Variants in TAFA1 observed in about 807,000 individuals in gnomAD.
The protein encoded by TAFA1 is TAFA chemokine like family member 1, also known as chemokine-like protein TAFA-1.
In TAFA1, 4 loss-of-function variants were observed where a neutral mutation model predicts 18.5. The ratio of observed to expected loss-of-function variants is 0.22; its 90% CI spans 0.11 to 0.49. The LOEUF (loss-of-function observed/expected upper bound fraction) is 0.49, where lower values mean the gene tolerates loss of function less well. TAFA1 is among the 20% of genes least tolerant of loss of function. The probability of loss-of-function intolerance (pLI) is 0.98; values close to 1 mark genes in which losing one functional copy is unlikely to be tolerated. For synonymous variants in TAFA1, 56 were observed against 55.2 expected, an observed-to-expected ratio of 1.01 and a Z score of -0.06; for missense variants, 147 against 169.0, an observed-to-expected ratio of 0.87 and a Z score of 0.72.
At chr3:68,449,990 G>A (rs541954519) in intron 3 of TAFA1, among the ~76,000 whole-genome samples, 5 of 152,274 alleles carry the variant, frequency 3.3e-5, no homozygotes, top group South Asian at 4.2e-4. Flanking sequence ...CAGGCACAGC[G>A]CAGGCTGCCA....
intron 3 of TAFA1, among the ~76,000 whole-genome samples, chr3:68,524,796 G>C (rs919347136): frequency 2.0e-5 from 3 of 151,620 alleles, no homozygotes; most frequent in Non-Finnish European, 4.4e-5. Context: ...TCAGCCTCCC[G>C]AGTAGCTGGG....
chr3:68,086,436 G>T (rs1483025658), intron 2 of TAFA1, among the ~76,000 whole-genome samples: 1 of 152,108 alleles, frequency 6.6e-6, no homozygotes. Context: ...TGTGTATTTT[G>T]TATGTCTCAA....
At chr3:68,444,771 A>AATATATATATATATATATATAT (rs55684696) in intron 3 of TAFA1, among the ~76,000 whole-genome samples, 5 of 127,276 alleles carry the variant, frequency 3.9e-5, no homozygotes, top group Non-Finnish European at 6.6e-5. Flanking sequence ...GTTTCTACAA[A>AATATATATATATATATATATAT]ATATATATAT....
intron 3 of TAFA1, among the ~76,000 whole-genome samples, chr3:68,495,605 C>G (rs146136272): frequency 6.6e-6 from 1 of 152,016 alleles, no homozygotes; most frequent in Non-Finnish European, 1.5e-5. Flanking sequence ...ATACAAGATG[C>G]GTGGATCAAG....
At chr3:68,301,557 A>G (rs1481822346) in intron 2 of TAFA1, among the ~76,000 whole-genome samples, 1 of 152,204 alleles carries the variant, frequency 6.6e-6, no homozygotes, top group African/African-American at 2.4e-5. Flanking sequence ...CCAGATGGTG[A>G]GGAGTAAAGT....
chr3:68,015,667 A>G (rs955078750), intron 2 of TAFA1, among the ~76,000 whole-genome samples: 5 of 152,192 alleles, frequency 3.3e-5, no homozygotes, highest in African/African-American at 1.2e-4. Context: ...CAGCATAGAG[A>G]TGCATATGTA....
At chr3:68,235,153 CAT>C (rs1193783947) in intron 2 of TAFA1, among the ~76,000 whole-genome samples, 52 of 152,166 alleles carry the variant, frequency 3.4e-4, no homozygotes, top group Non-Finnish European at 2.1e-4. Flanking sequence ...TATTTCCTCA[CAT>C]ATGGCAACTT....
intron 2 of TAFA1, among the ~76,000 whole-genome samples, chr3:68,180,649 C>T (rs2066186755): frequency 6.6e-6 from 1 of 152,192 alleles, no homozygotes; most frequent in South Asian, 2.1e-4. Context: ...CCAGTCCCTA[C>T]AACCCCTTAT....
chr3:68,364,794 T>C (rs1456589309), intron 2 of TAFA1, among the ~76,000 whole-genome samples: 1 of 152,248 alleles, frequency 6.6e-6, no homozygotes, highest in Non-Finnish European at 1.5e-5. Context: ...TTAACTCTTC[T>C]GTTAACTTCT....
rs139197567 is a variant in TAFA1, at chr3:68,209,889, A to G, written c.118+203145A>G. Among the ~76,000 whole-genome samples the G allele has an allele frequency of 3.2e-3, 492 of 152,112 alleles. 4 individuals carry two copies. Among genetic ancestry groups the G allele is most frequent in the African/African-American group, 0.011 (476 of 41,526 alleles). ...AATCAAAAATACATAGTTCAAATCT[A>G]TAGATGTGGAGCCCGTAGTAGCTGA... On this transcript the variant is annotated intron_variant, in intron 2 of 4. Transcript: ENST00000478136.
At chr3:68,231,874 C>G (rs955362338) in intron 2 of TAFA1, among the ~76,000 whole-genome samples, 2 of 152,094 alleles carry the variant, frequency 1.3e-5, no homozygotes, top group Non-Finnish European at 2.9e-5. Context: ...CAAGTAACTA[C>G]TAATATATTT....
chr3:68,448,458 C>T (rs972036193), intron 3 of TAFA1, among the ~76,000 whole-genome samples: 35 of 152,126 alleles, frequency 2.3e-4, no homozygotes, highest in African/African-American at 7.5e-4. Context: ...TCTATTAATA[C>T]GACGACTGTA....
chr3:68,372,267 C>T (rs2069722410), intron 2 of TAFA1, among the ~76,000 whole-genome samples: 1 of 152,142 alleles, frequency 6.6e-6, no homozygotes, highest in Non-Finnish European at 1.5e-5. Flanking sequence ...GCCAAACCCC[C>T]AGGAATCTCT....
At chr3:68,027,334 A>T (rs931697116) in intron 2 of TAFA1, among the ~76,000 whole-genome samples, 9 of 152,080 alleles carry the variant, frequency 5.9e-5, no homozygotes, top group African/African-American at 1.9e-4. Flanking sequence ...GCTATGGAAG[A>T]TGTGGATTGT....
chr3:68,293,589 A>G (rs2068153605), intron 2 of TAFA1, among the ~76,000 whole-genome samples: 1 of 152,208 alleles, frequency 6.6e-6, no homozygotes, highest in African/African-American at 2.4e-5. Flanking sequence ...TAGCATCTGC[A>G]TCCTTGGGTC....
chr3:68,530,871 T>G (rs996569982), intron 3 of TAFA1, among the ~76,000 whole-genome samples: 2 of 152,162 alleles, frequency 1.3e-5, no homozygotes, highest in African/African-American at 4.8e-5. Context: ...TATTTGTGTT[T>G]GATATGAAAT....
chr3:68,414,599 A>G (rs946870305), intron 2 of TAFA1, among the ~76,000 whole-genome samples: 2 of 152,170 alleles, frequency 1.3e-5, no homozygotes, highest in East Asian at 1.9e-4. Flanking sequence ...TGGAATGTGT[A>G]TAATTAATAC....
At chr3:68,159,596 G>A (rs1183910758) in intron 2 of TAFA1, among the ~76,000 whole-genome samples, 1 of 151,410 alleles carries the variant, frequency 6.6e-6, no homozygotes, top group Non-Finnish European at 1.5e-5. Flanking sequence ...GCAAATAATA[G>A]CCTTTTACTT....
chr3:68,336,462 A>G (rs1231967895), intron 2 of TAFA1, among the ~76,000 whole-genome samples: 3 of 152,260 alleles, frequency 2.0e-5, no homozygotes, highest in African/African-American at 7.2e-5. Flanking sequence ...AAATCTGAAT[A>G]TCTATGTGAA....
Sources: gnomAD v4.1 joint callset for allele counts (sites outside exome capture counted in the v4.1 genomes callset) on GRCh38, gnomAD v4.1.1 for gene constraint, MANE v1.5 for transcripts, NCBI Gene and HGNC (gene_info 2026-07-23, HGNC 2026-07-21) for gene names.